ATPAF1: variants seen among roughly 807,000 people sequenced by gnomAD.
ATPAF1 encodes homolog of yeast ATP11.
In ATPAF1, 26 loss-of-function variants were observed where a neutral mutation model predicts 43.9. That is an observed-to-expected ratio of 0.59 (90% confidence interval 0.43 to 0.82). The LOEUF is 0.82. Ranked by LOEUF, ATPAF1 falls within the 40% of genes least tolerant of loss-of-function variation. The probability of loss-of-function intolerance (pLI) is 0.00; values close to 1 mark genes in which losing one functional copy is unlikely to be tolerated. For missense variants in ATPAF1, 366 were observed against 435.0 expected (o/e 0.84, Z 1.41); for synonymous variants, 157 against 168.0 (o/e 0.93, Z 0.50).
At chr1:46,640,259 C>A (rs967634870) in intron 8 of ATPAF1, among the ~76,000 whole-genome samples, 10 of 152,120 alleles carry the variant, frequency 6.6e-5, no homozygotes, top group African/African-American at 2.4e-4. Context: ...ACTTGAAATA[C>A]TATTTTTCTT....
chr1:46,662,450 TA>T (rs921413554), intron 2 of ATPAF1, among the ~76,000 whole-genome samples: 2 of 144,122 alleles, frequency 1.4e-5, no homozygotes, highest in Non-Finnish European at 2.9e-5. Flanking sequence ...ACCCATCTGT[TA>T]TTTTTTTTTT....
intron 2 of ATPAF1, among the ~76,000 whole-genome samples, chr1:46,661,276 C>T (rs1041594708): frequency 9.2e-5 from 14 of 152,124 alleles, no homozygotes; most frequent in African/African-American, 1.9e-4. Flanking sequence ...GGGGTTTCAC[C>T]GTGTTGCCCA....
chr1:46,648,035 G>T (rs1676075466), intron 6 of ATPAF1, among the ~76,000 whole-genome samples: 1 of 152,168 alleles, frequency 6.6e-6, no homozygotes, highest in African/African-American at 2.4e-5. Context: ...TTTGGCTATT[G>T]TGACTAATGT....
At chr1:46,638,073 C>G (rs147573127) in intron 8 of ATPAF1, among the ~76,000 whole-genome samples, 1 of 152,350 alleles carries the variant, frequency 6.6e-6, no homozygotes, top group African/African-American at 2.4e-5. Context: ...CTGCTATAAT[C>G]TGAGGATACC....
intron 6 of ATPAF1, among the ~76,000 whole-genome samples, chr1:46,647,750 GTTGTACCATT>G (rs1385649422): frequency 2.0e-5 from 3 of 152,156 alleles, no homozygotes; most frequent in African/African-American, 7.2e-5. Flanking sequence ...TTCTAAAGTG[GTTGTACCATT>G]TTGCAATATG....
chr1:46,668,427 C>G (rs1557431830), upstream of ATPAF1: 4 of 1,152,318 alleles, frequency 3.5e-6, no homozygotes, highest in Non-Finnish European at 4.3e-6. The surrounding 1 kb of genome is among the most constrained non-coding windows in gnomAD (Gnocchi z 4.4). Context: ...GCTCCGGCAC[C>G]GAGGTTCCGC....
chr1:46,668,003 C>T lies in ATPAF1; in HGVS notation c.266+54G>A, dbSNP rs1007822683. 2.5e-5 allele frequency: 33 copies of T among 1,304,336 alleles called. No individual in the cohort carries two copies. In the Middle Eastern group the frequency reaches 8.6e-4, roughly 34 times the overall value. The allele number at this position is 1,304,336 out of a possible 1,614,324, so 80.8% of individuals were successfully genotyped here. ...AGGGCTGTCCTAAGGCCCAGCAGCC[C>T]GGGCCGCCCCTCCTCCCGCCTCCTG... is the stretch of plus-strand genomic sequence containing the variant. On this transcript the variant is annotated intron_variant, in intron 1 of 8. Coordinates refer to ENST00000574428, the Ensembl canonical transcript of ATPAF1. This position sits in a 1 kb window ranked among gnomAD's most constrained non-coding sequence, Gnocchi z 4.4.
chr1:46,665,099 G>A (rs1174835344), intron 2 of ATPAF1, 157 bp downstream of exon 2: 50 of 678,058 alleles, frequency 7.4e-5, no homozygotes, highest in Admixed American at 1.0e-4. Context: ...CCTAGAAAGA[G>A]CAGGATAAAC....
At chr1:46,651,221 T>G (rs937899888) in intron 6 of ATPAF1, among the ~76,000 whole-genome samples, 9 of 151,906 alleles carry the variant, frequency 5.9e-5, no homozygotes, top group Non-Finnish European at 1.0e-4. Context: ...CATTGTTCGA[T>G]TCCCACCTAT....
At chr1:46,650,328 A>G (rs1406642961) in intron 6 of ATPAF1, among the ~76,000 whole-genome samples, 2 of 151,868 alleles carry the variant, frequency 1.3e-5, no homozygotes, top group African/African-American at 2.4e-5. Flanking sequence ...TTTGAAGCCC[A>G]TCCTGGGCAA....
chr1:46,643,230 T>G lies in ATPAF1; in HGVS notation c.756A>C (p.Ile252=), dbSNP rs368720539. Residue 252 remains isoleucine, a synonymous_variant, in exon 8 of 9, where the codon ATA becomes ATC. Transcript: ENST00000574428. ...AATCCATTTCTGCAGTCATCAGCAC[T>G]ATGCCCTTTTCTTCCTTAAGTTCAG... The G allele has an allele frequency of 5.0e-6, 8 of 1,613,868 alleles. No homozygotes were observed. In the African/African-American group the frequency reaches 9.3e-5, roughly 19 times the overall value.
At chr1:46,652,289 C>A in intron 6 of ATPAF1, 1 of 243,542 alleles carries the variant, frequency 4.1e-6, no homozygotes, top group Non-Finnish European at 7.9e-6. Context: ...TTAAGATCTA[C>A]ATCAGAAAGG....
Position 46,668,116 on chromosome 1 carries a change from G to C in ATPAF1, c.207C>G (p.Ala69=), listed in dbSNP as rs1271322533. The change falls in exon 1 of 9, where the codon GCC becomes GCG. Residue 69 remains alanine (A), a synonymous_variant. Coordinates refer to ENST00000574428, the Ensembl canonical transcript of ATPAF1. The surrounding 1 kb of genome is among the most constrained non-coding windows in gnomAD (Gnocchi z 4.4). ...CGTAGAAAGGGTTGGCCTGGAGCTC[G>C]GCCTCGGCCCCGACCCCGCTGCTGT... 2.5e-5 allele frequency: 36 copies of C among 1,444,126 alleles called. No homozygotes were observed. The highest frequency in any genetic ancestry group is 3.0e-5 in the Non-Finnish European group (33 of 1,097,064). 89.5% of individuals were successfully genotyped at this position (1,444,126 alleles called of 1,614,324 possible). A position where few individuals can be genotyped will look rare whatever the true frequency, so the allele number is the denominator to read the frequency against.
At chr1:46,664,708 A>G (rs1372910468) in intron 2 of ATPAF1, 2 of 152,294 alleles carry the variant, frequency 1.3e-5, no homozygotes, top group Admixed American at 6.5e-5. Context: ...ATTTTTGTAG[A>G]TTAAGTTTTA....
intron 6 of ATPAF1, 144 bp from the exon 7 acceptor site, chr1:46,645,400 G>C (rs1352060639): frequency 1.5e-6 from 1 of 665,108 alleles, no homozygotes; most frequent in African/African-American, 1.8e-5. Flanking sequence ...TTCTCGCTCT[G>C]TTGTCCAGGC....
chr1:46,633,937 A>G (rs1297632541), downstream of ATPAF1: 1 of 430,846 alleles, frequency 2.3e-6, no homozygotes, highest in East Asian at 7.1e-5. Flanking sequence ...TTTAATGAAA[A>G]TGGCAGGGCA....
chr1:46,659,493 T>C (rs770570322), intron 2 of ATPAF1, among the ~76,000 whole-genome samples: 1 of 152,134 alleles, frequency 6.6e-6, no homozygotes, highest in Non-Finnish European at 1.5e-5. Flanking sequence ...AACACTTTGA[T>C]GGTAGGCATC....
At chr1:46,633,006 G>C (rs1168912512), downstream of ATPAF1, 1 of 152,638 alleles carries the variant, frequency 6.6e-6, no homozygotes, top group Non-Finnish European at 1.5e-5. Context: ...GTACATTTTT[G>C]TAAAGAATAG....
intron 1 of ATPAF1, chr1:46,665,960 G>T: frequency 3.4e-6 from 3 of 894,344 alleles, no homozygotes; most frequent in East Asian, 4.4e-5. Flanking sequence ...TTGAAGTCCA[G>T]GCTGGGGTGC....
Sources: gnomAD v4.1 joint callset for allele counts (sites outside exome capture counted in the v4.1 genomes callset) on GRCh38, gnomAD v4.1.1 for gene constraint, Gnocchi (gnomAD v3.1) non-coding constraint, MANE v1.5 for transcripts, NCBI Gene and HGNC (gene_info 2026-07-23, HGNC 2026-07-21) for gene names.